TECPR2: variants seen among roughly 807,000 people sequenced by gnomAD.
The protein encoded by TECPR2 is tectonin beta-propeller repeat containing 2.
Under a neutral mutation model 138.1 loss-of-function variants are expected in TECPR2, and 65 were observed. The observed-to-expected ratio is 0.47, with a 90% CI of 0.39 to 0.58. TECPR2 has a LOEUF of 0.58. Among genes scored for constraint, TECPR2 ranks in the 20% least tolerant of loss-of-function variants. The probability of loss-of-function intolerance (pLI) is 0.00; values close to 1 mark genes in which losing one functional copy is unlikely to be tolerated. For missense variants in TECPR2, 1,553 were observed against 1,824.5 expected (o/e 0.85, Z 2.71); for synonymous variants, 746 against 749.8 (o/e 0.99, Z 0.08).
intron 13 of TECPR2, among the ~76,000 whole-genome samples, chr14:102,446,454 T>C (rs992203042): frequency 7.2e-5 from 11 of 152,058 alleles, no homozygotes; most frequent in African/African-American, 2.7e-4. Context: ...CAAAAATTAG[T>C]TGGACATGGT....
Position 102,458,740 on chromosome 14 carries a change from C to G in TECPR2, c.3640+6113C>G, listed in dbSNP as rs1379208670. Among the ~76,000 whole-genome samples the G allele has an allele frequency of 3.3e-5, 5 of 152,132 alleles. No individual in the cohort carries two copies. The East Asian group carries it at 9.7e-4, about 29-fold the overall frequency. On this transcript the variant is annotated intron_variant, in intron 16 of 19. Coordinates refer to ENST00000359520, the MANE Select transcript of TECPR2 (RefSeq NM_014844.5). ...TGCTTTCCTTCAACTCTTCTTCCTT[C>G]AGGACTCAGTTGAGATCGCACCTCC...
chr14:102,377,936 C>T (rs1323120301), intron 2 of TECPR2, among the ~76,000 whole-genome samples: 1 of 152,186 alleles, frequency 6.6e-6, no homozygotes, highest in South Asian at 2.1e-4. Flanking sequence ...GAGGTCTCTT[C>T]TATAGCATTG....
chr14:102,487,859 G>C (rs1185611414), intron 17 of TECPR2, among the ~76,000 whole-genome samples: 1 of 109,542 alleles, frequency 9.1e-6, no homozygotes, highest in Non-Finnish European at 2.0e-5. Flanking sequence ...TTTTTTTTTT[G>C]ATACGGAGTT....
chr14:102,417,640 A>G (rs1889060409), intron 5 of TECPR2, among the ~76,000 whole-genome samples: 1 of 152,236 alleles, frequency 6.6e-6, no homozygotes, highest in East Asian at 1.9e-4. Flanking sequence ...CAAGACCTCA[A>G]TTGGGCAAGA....
chr14:102,433,635 C>G (rs933180000), intron 8 of TECPR2, among the ~76,000 whole-genome samples: 6 of 152,062 alleles, frequency 3.9e-5, no homozygotes, highest in Non-Finnish European at 7.4e-5. Context: ...ATTCTCCTGC[C>G]TCAGCCTCCC....
At chr14:102,417,508 G>A (rs939973173) in intron 5 of TECPR2, among the ~76,000 whole-genome samples, 1 of 152,204 alleles carries the variant, frequency 6.6e-6, no homozygotes, top group African/African-American at 2.4e-5. Flanking sequence ...GCTAGGCATG[G>A]GGCAGGAAGT....
At chr14:102,364,674 G>A (rs1012002371) in intron 1 of TECPR2, among the ~76,000 whole-genome samples, 2 of 152,110 alleles carry the variant, frequency 1.3e-5, no homozygotes, top group Non-Finnish European at 2.9e-5. Flanking sequence ...TAGAAGACTG[G>A]CATCTACTGG....
intron 6 of TECPR2, 73 bp downstream of exon 6, chr14:102,425,364 C>A: frequency 6.9e-7 from 1 of 1,450,020 alleles, no homozygotes; most frequent in Non-Finnish European, 9.2e-7. Context: ...CTGTTCTACT[C>A]AGGGACCTCA....
Position 102,481,368 on chromosome 14 carries a change from G to A in TECPR2, c.3790-15611G>A, listed in dbSNP as rs938991414. On this transcript the variant is annotated intron_variant, in intron 17 of 19. Coordinates refer to ENST00000359520, the MANE Select transcript of TECPR2 (RefSeq NM_014844.5). Reference sequence around the variant, plus strand: ...TTCACTGTGTTGGCCAGGCTGGTCTGGAACTCCTGACCTCAAGTGATCCAC... The same window carrying A: ...TTCACTGTGTTGGCCAGGCTGGTCTAGAACTCCTGACCTCAAGTGATCCAC... 2.6e-5 allele frequency among the ~76,000 whole-genome samples: 4 copies of A among 152,200 alleles called. No individual in the cohort carries two copies. The Middle Eastern group carries it at 0.01, about 388-fold the overall frequency.
At position 102,498,242 on chromosome 14, in the gene TECPR2, G is replaced by A. The variant is rs951322678; in HGVS notation, c.4221G>A (p.Glu1407=). The change falls in exon 20 of 20, where the codon GAG becomes GAA. Residue 1407 remains glutamate, a synonymous_variant. Coordinates refer to ENST00000359520, the MANE Select transcript of TECPR2 (RefSeq NM_014844.5). ...CCCACCCTGAGGACCTGGAGGACGA[G>A]TGGGAGGTCATCTGAAGGAGCCCTG... ...AMPHPEDLED[E]WEVI is the part of the protein sequence containing the mutation. 4 of 1,602,776 alleles carry A rather than the reference G, an allele frequency of 2.5e-6. No homozygotes were observed. The highest frequency in any genetic ancestry group is 1.3e-5 in the African/African-American group (1 of 75,060).
intron 17 of TECPR2, among the ~76,000 whole-genome samples, chr14:102,478,621 C>G (rs1346874771): frequency 1.3e-5 from 2 of 151,550 alleles, no homozygotes; most frequent in Non-Finnish European, 2.9e-5. Flanking sequence ...TGCGCTCCAG[C>G]CTGGGTGACA....
chr14:102,476,550 G>T (rs1890768424), intron 17 of TECPR2, among the ~76,000 whole-genome samples: 1 of 152,158 alleles, frequency 6.6e-6, no homozygotes, highest in Admixed American at 6.5e-5. Flanking sequence ...CTGAAGCCCA[G>T]AGGGAAAACA....
Position 102,497,013 on chromosome 14 carries a change from G to A in TECPR2, c.3824G>A (p.Ser1275Asn), listed in dbSNP as rs1044149028. The A allele has an allele frequency of 6.8e-6, 11 of 1,614,060 alleles. No homozygotes were observed. Among genetic ancestry groups the A allele is most frequent in the Non-Finnish European group, 8.5e-6 (10 of 1,180,026 alleles). The change falls in exon 18 of 20, where the codon AGC becomes AAC. Residue 1275 changes from serine (S) to asparagine (N), a missense_variant. Transcript: ENST00000359520. ...AGVSLVSVHS[S>N]PNDQMLWVLD... The stretch of plus-strand genomic sequence containing the variant: ...GTCAGCTTGGTCAGCGTCCATTCCA[G>A]CCCCAACGACCAGATGCTGTGGGTG...
chr14:102,463,800 T>C (rs1015267287), intron 16 of TECPR2, among the ~76,000 whole-genome samples: 3 of 151,630 alleles, frequency 2.0e-5, no homozygotes, highest in South Asian at 4.1e-4. Flanking sequence ...GGCACGCGCC[T>C]GTAATCCCAG....
At chr14:102,441,609 G>C (rs1422498931) in intron 11 of TECPR2, among the ~76,000 whole-genome samples, 1 of 151,930 alleles carries the variant, frequency 6.6e-6, no homozygotes, top group Non-Finnish European at 1.5e-5. Flanking sequence ...AGAATCACTT[G>C]AACCTGGGAG....
At chr14:102,485,340 C>T (rs193263373) in intron 17 of TECPR2, among the ~76,000 whole-genome samples, 1 of 152,330 alleles carries the variant, frequency 6.6e-6, no homozygotes, top group East Asian at 1.9e-4. Flanking sequence ...AACCAGCTCC[C>T]TTTGAGAGAA....
At chr14:102,398,713 G>A (rs1888385850) in intron 2 of TECPR2, among the ~76,000 whole-genome samples, 1 of 151,938 alleles carries the variant, frequency 6.6e-6, no homozygotes, top group African/African-American at 2.4e-5. Flanking sequence ...AAATTAGCCG[G>A]GCGAGGTGGC....
chr14:102,426,319 G>A (rs1889321243), intron 6 of TECPR2, among the ~76,000 whole-genome samples: 1 of 152,080 alleles, frequency 6.6e-6, no homozygotes, highest in Non-Finnish European at 1.5e-5. Context: ...GATGATAACA[G>A]ATTATCATCA....
intron 2 of TECPR2, among the ~76,000 whole-genome samples, chr14:102,399,069 C>G (rs1395760745): frequency 6.6e-6 from 1 of 152,126 alleles, no homozygotes; most frequent in Non-Finnish European, 1.5e-5. Context: ...TTGAGACCAG[C>G]CTGGCCAACA....
Sources: allele counts gnomAD v4.1 joint callset (sites outside exome capture counted in the v4.1 genomes callset), GRCh38; gene constraint gnomAD v4.1.1; transcripts MANE v1.5; gene names NCBI Gene and HGNC (gene_info 2026-07-23, HGNC 2026-07-21).